POU2F2: variants seen among roughly 807,000 people sequenced by gnomAD.
POU2F2 encodes the protein POU class 2 homeobox 2.
In POU2F2, 14 loss-of-function variants were observed where a neutral mutation model predicts 63.5. The ratio of observed to expected loss-of-function variants is 0.22; its 90% CI spans 0.15 to 0.34. The LOEUF (loss-of-function observed/expected upper bound fraction) is 0.34, where lower values mean the gene tolerates loss of function less well. Among genes scored for constraint, POU2F2 ranks in the 10% least tolerant of loss-of-function variants. The pLI, the probability that POU2F2 is intolerant of heterozygous loss-of-function variation, is 1.00. For synonymous variants in POU2F2, 306 were observed against 348.6 expected (o/e 0.88, Z 1.36); for missense variants, 607 against 815.2 (o/e 0.74, Z 3.11).
chr19:42,131,308 C>T (rs1242622053), intron 1 of POU2F2, among the ~76,000 whole-genome samples: 1 of 152,040 alleles, frequency 6.6e-6, no homozygotes, highest in African/African-American at 2.4e-5. Context: ...ACTGTACTTC[C>T]AACACCCAAC....
chr19:42,123,455 G>T (rs1351465933), intron 1 of POU2F2, among the ~76,000 whole-genome samples: 1 of 152,150 alleles, frequency 6.6e-6, no homozygotes, highest in African/African-American at 2.4e-5. Flanking sequence ...TCACAGAAAG[G>T]CGAGTGCTCA....
At chr19:42,091,829 G>A in intron 14 of POU2F2, 38 bp downstream of exon 14, 1 of 1,540,158 alleles carries the variant, frequency 6.5e-7, no homozygotes, top group Non-Finnish European at 8.7e-7. Flanking sequence ...CAGAGGATAG[G>A]GCTGGTGACG....
At chr19:42,118,802 A>G (rs1210153202) in intron 4 of POU2F2, among the ~76,000 whole-genome samples, 1 of 152,242 alleles carries the variant, frequency 6.6e-6, no homozygotes. Flanking sequence ...TTTATCCTTC[A>G]GCCTGATAGC....
chr19:42,144,386 A>AAGGC (rs1359070009), intron 2 of POU2F2, among the ~76,000 whole-genome samples: 1 of 152,224 alleles, frequency 6.6e-6, no homozygotes, highest in African/African-American at 2.4e-5. Context: ...CTGGCCTCAC[A>AAGGC]AGGCGGGAGA....
At position 42,122,338 on chromosome 19, in the gene POU2F2, C is replaced by T; in HGVS notation, c.129+6G>A. 1 of 1,551,954 alleles carries T rather than the reference C, an allele frequency of 6.4e-7. No homozygotes were observed. The highest frequency in any genetic ancestry group is 8.9e-7 in the Non-Finnish European group (1 of 1,127,696). ...ACCCCCTCCCGCTTATCCACTCCCT[C>T]CTAACCTGATGATTAGTGTCTGGTC... On this transcript the variant is annotated splice_donor_region_variant and intron_variant, in intron 3 of 14. Coordinates refer to ENST00000692977, the MANE Select transcript of POU2F2 (RefSeq NM_001394376.1).
At chr19:42,130,694 C>T (rs1033082367) in intron 1 of POU2F2, among the ~76,000 whole-genome samples, 19 of 151,592 alleles carry the variant, frequency 1.3e-4, no homozygotes, top group Admixed American at 6.6e-5. Flanking sequence ...TGCAAATAGT[C>T]TTCCTTTCAT....
At chr19:42,105,995 TC>T (rs1181978644) in intron 5 of POU2F2, among the ~76,000 whole-genome samples, 1 of 143,404 alleles carries the variant, frequency 7.0e-6, no homozygotes, top group East Asian at 2.0e-4. Context: ...ATAGGATCTT[TC>T]TTTTTTCTTT....
intron 4 of POU2F2, among the ~76,000 whole-genome samples, chr19:42,120,882 T>A (rs532594172): frequency 6.6e-6 from 1 of 152,346 alleles, no homozygotes; most frequent in South Asian, 2.1e-4. Context: ...TGTAAATAGT[T>A]GCGCACAGTG....
intron 1 of POU2F2, among the ~76,000 whole-genome samples, chr19:42,173,653 C>A (rs998514493): frequency 6.6e-6 from 1 of 151,860 alleles, no homozygotes; most frequent in Non-Finnish European, 1.5e-5. Context: ...TGTGTGCATA[C>A]ACACACACTG....
chr19:42,170,807 A>C (rs2034747451), intron 1 of POU2F2, among the ~76,000 whole-genome samples: 1 of 152,252 alleles, frequency 6.6e-6, no homozygotes, highest in Non-Finnish European at 1.5e-5. Flanking sequence ...ACAGAGCCGG[A>C]TCTGGCCCTT....
rs1328688124 is a variant in POU2F2 at position 42,162,056 on chromosome 19, T to C, written c.-69-1664A>G. ...ACGGCATTAACCGTCAATATTGGTG[T>C]AAGTGATGGGGTGGGCGAGGGAATC... is the stretch of plus-strand genomic sequence containing the variant. On this transcript the variant is annotated intron_variant, in intron 1 of 6. Transcript: ENST00000524801. The surrounding 1 kb of genome is among the most constrained non-coding windows in gnomAD (Gnocchi z 4.1). Among the ~76,000 whole-genome samples, 7 of 152,176 alleles carry C rather than the reference T, an allele frequency of 4.6e-5. No homozygotes were observed. Among genetic ancestry groups the C allele is most frequent in the African/African-American group, 1.4e-4 (6 of 41,442 alleles).
At chr19:42,137,278 G>A (rs764089439), upstream of POU2F2, among the ~76,000 whole-genome samples, 1 of 151,976 alleles carries the variant, frequency 6.6e-6, no homozygotes, top group Non-Finnish European at 1.5e-5. Flanking sequence ...GTTCAAGGCT[G>A]CAATGAGCTA....
intron 5 of POU2F2, among the ~76,000 whole-genome samples, chr19:42,101,224 C>T (rs2077129264): frequency 6.6e-6 from 1 of 152,152 alleles, no homozygotes; most frequent in South Asian, 2.1e-4. Context: ...CTCCGGGAAG[C>T]TCTTTAGCAC....
chr19:42,092,138 T>C lies in POU2F2; in HGVS notation c.1397A>G (p.Asn466Ser), dbSNP rs1273107656. Residue 466 changes from asparagine (N) to serine (S), a missense_variant, in exon 13 of 15, where the codon AAC (asparagine) becomes AGC (serine). Asn to Ser is a conservative substitution (Grantham distance 46). Transcript: ENST00000692977. This position sits in a 1 kb window ranked among gnomAD's most constrained non-coding sequence, Gnocchi z 5.0. ...SVTPPPPATT[N>S]STNPSPQGSH... Reference sequence around the variant, plus strand: ...GCCTTGAGGGCTGGGGTTTGTGCTGTTGGTGGTGGCCGGGGGTGGGGGAGT... The same window carrying C: ...GCCTTGAGGGCTGGGGTTTGTGCTGCTGGTGGTGGCCGGGGGTGGGGGAGT... The C allele has an allele frequency of 1.3e-6, 2 of 1,586,042 alleles. No individual in the cohort carries two copies. The highest frequency in any genetic ancestry group is 1.2e-5 in the South Asian group (1 of 86,502).
At chr19:42,195,408 C>T (rs965776188) in intron 1 of POU2F2, among the ~76,000 whole-genome samples, 1 of 148,004 alleles carries the variant, frequency 6.8e-6, no homozygotes, top group African/African-American at 2.5e-5. Flanking sequence ...TCTCGGCTCA[C>T]GGCAAGCTCC....
At chr19:42,183,524 CTG>C (rs1473712898) in intron 1 of POU2F2, among the ~76,000 whole-genome samples, 1 of 152,018 alleles carries the variant, frequency 6.6e-6, no homozygotes, top group South Asian at 2.1e-4. Flanking sequence ...GGTTACACAA[CTG>C]TGTGTGTGTG....
In POU2F2 at chr19:42,117,370, G is replaced by C. The variant is rs548592335; in HGVS notation, c.249C>G (p.Pro83=). ...FWGPGPCLSP[P]QIKAEDPSGD... ...CACTGGGGTCTTCAGCCTTGATCTG[G>C]GGGGGAGAGAGGCAGGGTCCGGGAC... The change falls in exon 5 of 15, where the codon CCC becomes CCG. Residue 83 remains proline (P), a synonymous_variant. Coordinates refer to ENST00000692977, the MANE Select transcript of POU2F2 (RefSeq NM_001394376.1). This position sits in a 1 kb window ranked among gnomAD's most constrained non-coding sequence, Gnocchi z 4.4. 1.2e-5 allele frequency: 19 copies of C among 1,528,340 alleles called. No homozygotes were observed. Among genetic ancestry groups the C allele is most frequent in the South Asian group, 5.1e-5 (4 of 78,096 alleles). The allele number at this position is 1,528,340 out of a possible 1,614,324, so 94.7% of individuals were successfully genotyped here.
chr19:42,171,752 G>A (rs1051444299), intron 1 of POU2F2, among the ~76,000 whole-genome samples: 5 of 152,096 alleles, frequency 3.3e-5, no homozygotes, highest in African/African-American at 4.8e-5. Context: ...TTATACTTGC[G>A]TGTGTGGGCC....
rs545184672 is a variant in POU2F2 at position 42,125,359 on chromosome 19, C to G, written c.29-2783G>C. On this transcript the variant is annotated intron_variant, in intron 1 of 14. Transcript: ENST00000692977. ...CTTGGATAATAGAGCAAGACTCTGTCTCAAAAAAAAAAAAAAAGATGTAGA... is the reference window on the plus strand; with the variant it reads ...CTTGGATAATAGAGCAAGACTCTGTGTCAAAAAAAAAAAAAAAGATGTAGA... Among the ~76,000 whole-genome samples the G allele has an allele frequency of 2.8e-4, 17 of 60,304 alleles. No individual in the cohort carries two copies. In the East Asian group the frequency reaches 9.0e-3, roughly 32 times the overall value. The allele number at this position is 60,304 out of a possible 152,430, so 39.6% of individuals were successfully genotyped here. A position where few individuals can be genotyped will look rare whatever the true frequency, so the allele number is the denominator to read the frequency against.
Sources: allele counts gnomAD v4.1 joint callset (sites outside exome capture counted in the v4.1 genomes callset), GRCh38; gene constraint gnomAD v4.1.1; non-coding constraint Gnocchi (gnomAD v3.1); transcripts MANE v1.5; gene names NCBI Gene and HGNC (gene_info 2026-07-23, HGNC 2026-07-21).